Variants in ARMC2 observed in about 807,000 individuals in gnomAD.
ARMC2 encodes armadillo repeat-containing protein 2.
ARMC2 carries 67 observed loss-of-function variants against 90.3 expected under a neutral mutation model. The ratio of observed to expected loss-of-function variants is 0.74; its 90% CI spans 0.61 to 0.91. The LOEUF is 0.91. ARMC2 is among the 40% of genes least tolerant of loss of function. The pLI is 0.00. For synonymous variants in ARMC2, 393 were observed against 393.0 expected, an observed-to-expected ratio of 1.00 and a Z score of 0.00; for missense variants, 920 against 1,030.9, an observed-to-expected ratio of 0.89 and a Z score of 1.47.
intron 3 of ARMC2, among the ~76,000 whole-genome samples, chr6:108,866,216 T>G (rs757922018): frequency 6.6e-6 from 1 of 152,148 alleles, no homozygotes; most frequent in African/African-American, 2.4e-5. Flanking sequence ...ACCCTCTATA[T>G]TTCATTTTTC....
Position 108,973,674 on chromosome 6 carries a change from C to A in ARMC2, c.*160C>A. The A allele has an allele frequency of 1.6e-6, 1 of 642,962 alleles. No homozygotes were observed. The highest frequency in any genetic ancestry group is 2.5e-6 in the Non-Finnish European group (1 of 399,482). The allele number at this position is 642,962 out of a possible 1,614,324, so 39.8% of individuals were successfully genotyped here. ...AAGTATTTTTTAAAATTAAGCATTTCTTCTTGTTAGGTATTATGGAAAAAT... is the reference window on the plus strand; with the variant it reads ...AAGTATTTTTTAAAATTAAGCATTTATTCTTGTTAGGTATTATGGAAAAAT... On this transcript the variant is annotated 3_prime_UTR_variant, in exon 18 of 18. Coordinates refer to ENST00000392644, the MANE Select transcript of ARMC2 (RefSeq NM_032131.6).
intron 1 of ARMC2, chr6:108,848,844 C>T (rs529163337): frequency 6.6e-6 from 1 of 152,318 alleles, no homozygotes; most frequent in South Asian, 2.1e-4. Flanking sequence ...CAGCGGCTCC[C>T]CAGGGACCCT....
At chr6:108,872,614 C>A (rs1164154717) in intron 4 of ARMC2, among the ~76,000 whole-genome samples, 1 of 152,224 alleles carries the variant, frequency 6.6e-6, no homozygotes, top group Non-Finnish European at 1.5e-5. Context: ...GAGCTCCCAA[C>A]ACGACATGGC....
rs768873707 is a variant in ARMC2 at position 108,953,020 on chromosome 6, T to G, written c.1597-13T>G. The G allele has an allele frequency of 6.3e-7, 1 of 1,592,604 alleles. No homozygotes were observed. Among genetic ancestry groups the G allele is most frequent in the South Asian group, 1.1e-5 (1 of 88,324 alleles). On this transcript the variant is annotated splice_polypyrimidine_tract_variant and intron_variant, in intron 12 of 17. Coordinates refer to ENST00000392644, the MANE Select transcript of ARMC2 (RefSeq NM_032131.6). ...CCCTTTGCACTTTTGACTCTGTCTTTCGTTTATTGCAGGATTTAGTCGTCC... is the reference window on the plus strand; with the variant it reads ...CCCTTTGCACTTTTGACTCTGTCTTGCGTTTATTGCAGGATTTAGTCGTCC...
downstream of ARMC2, among the ~76,000 whole-genome samples, chr6:108,976,105 C>G (rs1778978886): frequency 6.6e-6 from 1 of 152,140 alleles, no homozygotes; most frequent in Admixed American, 6.5e-5. Flanking sequence ...GTATTATTGC[C>G]TAGGTTTTCT....
At chr6:109,001,166 C>T in the ARMC2 span, 1 of 836,938 alleles carries the variant, frequency 1.2e-6, no homozygotes, top group Non-Finnish European at 1.8e-6. Context: ...AGAGACTGTG[C>T]AACAGGAATC....
downstream of ARMC2, among the ~76,000 whole-genome samples, chr6:108,977,422 G>A (rs536005495): frequency 7.2e-5 from 11 of 152,054 alleles, no homozygotes; most frequent in South Asian, 2.1e-4. Context: ...GAGGATTTTC[G>A]CATCGATGTT....
intron 7 of ARMC2, among the ~76,000 whole-genome samples, chr6:108,900,178 C>T (rs1389933505): frequency 6.6e-6 from 1 of 152,186 alleles, no homozygotes; most frequent in Admixed American, 6.5e-5. Flanking sequence ...CATAAACTGG[C>T]GTCCTTGACA....
chr6:108,971,472 T>G (rs1349497105), intron 17 of ARMC2, among the ~76,000 whole-genome samples: 1 of 152,160 alleles, frequency 6.6e-6, no homozygotes, highest in Non-Finnish European at 1.5e-5. Flanking sequence ...AGGTACAAAC[T>G]GGGATTCCAG....
At chr6:109,011,232 C>A in the ARMC2 span, among the ~76,000 whole-genome samples, 1 of 152,302 alleles carries the variant, frequency 6.6e-6, no homozygotes, top group South Asian at 2.1e-4. Context: ...CTGCTAACTG[C>A]ATGCATATAG....
At chr6:108,942,686 C>T (rs1162883471) in intron 12 of ARMC2, among the ~76,000 whole-genome samples, 3 of 152,076 alleles carry the variant, frequency 2.0e-5, no homozygotes, top group African/African-American at 7.2e-5. Flanking sequence ...TTTGTAGTCT[C>T]TTAATATACA....
intron 6 of ARMC2, among the ~76,000 whole-genome samples, chr6:108,895,063 G>C (rs1771465745): frequency 6.7e-6 from 1 of 150,362 alleles, no homozygotes; most frequent in Non-Finnish European, 1.5e-5. Context: ...ACCACGCCCG[G>C]CCTAGATGAC....
rs1299247436 is a variant in ARMC2 at position 108,953,312 on chromosome 6, G to A, written c.1876G>A (p.Ala626Thr). 6 of 1,609,212 alleles carry A rather than the reference G, an allele frequency of 3.7e-6. No individual in the cohort carries two copies. The highest frequency in any genetic ancestry group is 5.1e-6 in the Non-Finnish European group (6 of 1,179,260). Residue 626 changes from alanine to threonine, a missense_variant, in exon 13 of 18, where the codon GCC becomes ACC. By Grantham distance (58) the Ala-to-Thr change is moderately conservative. Transcript: ENST00000392644. ...CCCGGGCGTGGGCCCGGTGCTGGCCGCCAACCCGGGGATAGTGGGCCTGCT... is the reference window on the plus strand; with the variant it reads ...CCCGGGCGTGGGCCCGGTGCTGGCCACCAACCCGGGGATAGTGGGCCTGCT... ...IHPGVGPVLA[A>T]NPGIVGLLLT...
chr6:108,955,329 C>T (rs554949105), intron 13 of ARMC2, among the ~76,000 whole-genome samples: 27 of 152,284 alleles, frequency 1.8e-4, no homozygotes, highest in African/African-American at 5.3e-4. Context: ...AGCTAAGGGA[C>T]GGGTGGCAGA....
At chr6:109,046,382 G>T in the ARMC2 span, among the ~76,000 whole-genome samples, 4 of 151,576 alleles carry the variant, frequency 2.6e-5, no homozygotes, top group East Asian at 7.7e-4. Flanking sequence ...CGTTCACTCA[G>T]TGCTCAATGG....
chr6:108,971,004 CCT>C (rs1778727865), intron 17 of ARMC2, among the ~76,000 whole-genome samples: 1 of 151,950 alleles, frequency 6.6e-6, no homozygotes. Context: ...GGGTGGATCA[CCT>C]GAGGTCAGGA....
chr6:109,000,701 T>C, the ARMC2 span: 4 of 1,485,004 alleles, frequency 2.7e-6, no homozygotes. Context: ...ATTCTAATTA[T>C]AAATATTAAA....
At chr6:108,863,085 G>A (rs1470367021) in intron 3 of ARMC2, among the ~76,000 whole-genome samples, 1 of 152,144 alleles carries the variant, frequency 6.6e-6, no homozygotes, top group African/African-American at 2.4e-5. Flanking sequence ...CCTCCAGCCC[G>A]ACTTGCCCAG....
intron 3 of ARMC2, among the ~76,000 whole-genome samples, chr6:108,867,960 A>G (rs975878280): frequency 5.3e-5 from 8 of 152,270 alleles, no homozygotes; most frequent in Non-Finnish European, 1.0e-4. Flanking sequence ...ATCAATAAAT[A>G]GAAACAAAAC....
Sources: allele counts gnomAD v4.1 joint callset (sites outside exome capture counted in the v4.1 genomes callset), GRCh38; gene constraint gnomAD v4.1.1; transcripts MANE v1.5; gene names NCBI Gene and HGNC (gene_info 2026-07-23, HGNC 2026-07-21).